The following TOP3B variants were observed in gnomAD, a reference collection of about 807,000 sequenced individuals.
The protein encoded by TOP3B is DNA topoisomerase 3-beta-1.
Under a neutral mutation model 93.9 loss-of-function variants are expected in TOP3B, and 45 were observed. That is an observed-to-expected ratio of 0.48 (90% CI 0.38 to 0.61). The LOEUF is 0.61. TOP3B is among the 20% of genes least tolerant of loss of function. The pLI, the probability that TOP3B is intolerant of heterozygous loss-of-function variation, is 0.00. For synonymous variants in TOP3B, 357 were observed against 472.6 expected, an observed-to-expected ratio of 0.76 and a Z score of 3.17; for missense variants, 750 against 1,156.1, an observed-to-expected ratio of 0.65 and a Z score of 5.09.
At position 21,971,744 on chromosome 22, in the gene TOP3B, G is replaced by A; in HGVS notation, c.384+133C>T. On this transcript the variant is annotated intron_variant, in intron 5 of 17. Transcript: ENST00000357179. This position sits in a 1 kb window ranked among gnomAD's most constrained non-coding sequence, Gnocchi z 4.6. The stretch of plus-strand genomic sequence containing the variant: ...GTGGAGTTTCAGAATAAAGGGAGGG[G>A]AGAGGTGTTTTTAAACCGGTACAGT... 3 of 760,136 alleles carry A rather than the reference G, an allele frequency of 3.9e-6. No individual in the cohort carries two copies. The highest frequency in any genetic ancestry group is 5.3e-5 in the East Asian group (2 of 37,582). The allele number at this position is 760,136 out of a possible 1,614,324, so 47.1% of individuals were successfully genotyped here.
intron 16 of TOP3B, chr22:21,958,894 C>T (rs767594890): frequency 1.5e-5 from 16 of 1,059,116 alleles, no homozygotes; most frequent in Middle Eastern, 3.0e-4. Flanking sequence ...TACATTAATG[C>T]CCATGATGGC....
rs781017379 is a variant in TOP3B, at chr22:21,962,928, G to A, written c.1205-35C>T. ...GCCAGGGCTAGTCAGTTGGGAGCCAGCTGGGGGCTCTGGCCGTGAGGAGCC... is the reference window on the plus strand; with the variant it reads ...GCCAGGGCTAGTCAGTTGGGAGCCAACTGGGGGCTCTGGCCGTGAGGAGCC... On this transcript the variant is annotated intron_variant, in intron 11 of 17. Coordinates refer to ENST00000357179, the MANE Select transcript of TOP3B (RefSeq NM_001282112.2). The A allele has an allele frequency of 4.4e-6, 7 of 1,603,260 alleles. No individual in the cohort carries two copies. In the African/African-American group the frequency reaches 8.0e-5, roughly 18 times the overall value.
In TOP3B at chr22:21,963,058, G is replaced by A. The variant is rs1206694104; in HGVS notation, c.1205-165C>T. 2 of 799,424 alleles carry A rather than the reference G, an allele frequency of 2.5e-6. No individual in the cohort carries two copies. Among genetic ancestry groups the A allele is most frequent in the African/African-American group, 1.7e-5 (1 of 57,718 alleles). The allele number at this position is 799,424 out of a possible 1,614,324, so 49.5% of individuals were successfully genotyped here. Reference sequence around the variant, plus strand: ...GAAAGAAAATGTGCAGGAAGGCCGGGCGTGGTGGCTCATGCCTGTAATCCT... The same window carrying A: ...GAAAGAAAATGTGCAGGAAGGCCGGACGTGGTGGCTCATGCCTGTAATCCT... On this transcript the variant is annotated intron_variant, in intron 11 of 17. Coordinates refer to ENST00000357179, the MANE Select transcript of TOP3B (RefSeq NM_001282112.2). The surrounding 1 kb of genome is among the most constrained non-coding windows in gnomAD (Gnocchi z 4.8).
At chr22:21,965,125 A>C in intron 9 of TOP3B, 160 bp downstream of exon 9, 2 of 466,530 alleles carry the variant, frequency 4.3e-6, no homozygotes, top group Non-Finnish European at 7.4e-6. Context: ...GTGGTGACCA[A>C]CTTTACCACC....
intron 3 of TOP3B, chr22:21,973,651 C>G (rs768070582): frequency 3.3e-5 from 5 of 152,178 alleles, no homozygotes; most frequent in Non-Finnish European, 5.9e-5. Context: ...CCACACAACT[C>G]AGTCACCATC....
intron 15 of TOP3B, 72 bp downstream of exon 15, chr22:21,959,515 G>A (rs1020390727): frequency 1.3e-6 from 2 of 1,530,626 alleles, no homozygotes; most frequent in East Asian, 2.3e-5. Flanking sequence ...TGGGGACCTG[G>A]GTCCCCAGGT....
chr22:21,961,474 G>A (rs1047699531), intron 13 of TOP3B: 3 of 152,366 alleles, frequency 2.0e-5, no homozygotes, highest in African/African-American at 7.2e-5. Context: ...GGGCTGCCAG[G>A]AGCCAGTGTC....
In TOP3B at chr22:21,963,992, G is replaced by T; in HGVS notation, c.1135C>A (p.Arg379=). ...RLLAEGINRP[R]KGHDAGDHPP... ...TGGTCGCCGGCGTCATGGCCTTTCC[G>T]CGGGCGGTTGATACCTTCTGCTAAC... is the stretch of plus-strand genomic sequence containing the variant. Residue 379 remains arginine (R), a synonymous_variant, in exon 11 of 18, where the codon CGG becomes AGG. Coordinates refer to ENST00000357179, the MANE Select transcript of TOP3B (RefSeq NM_001282112.2). The surrounding 1 kb of genome is among the most constrained non-coding windows in gnomAD (Gnocchi z 4.8). 6.2e-7 allele frequency: 1 copy of T among 1,611,722 alleles called. No individual in the cohort carries two copies. The highest frequency in any genetic ancestry group is 1.1e-5 in the South Asian group (1 of 90,798).
intron 9 of TOP3B, 200 bp from the exon 10 acceptor site, chr22:21,964,515 C>T (rs930522282): frequency 4.2e-5 from 26 of 618,870 alleles, no homozygotes; most frequent in East Asian, 1.1e-4. Flanking sequence ...GGCTGAATCC[C>T]GCACCCGTAA....
chr22:21,974,490 T>C lies in TOP3B; in HGVS notation c.71-2A>G, dbSNP rs760967262. The C allele has an allele frequency of 1.9e-6, 3 of 1,602,756 alleles. No homozygotes were observed. The East Asian group carries it at 6.8e-5, about 36-fold the overall frequency. On this transcript the variant is annotated splice_acceptor_variant, in intron 2 of 17. Transcript: ENST00000357179. LOFTEE classifies it high-confidence loss of function. ...GCCCTTTGTGTGAGGACAGGCTCCC[T>C]GGGGATGAGGAAGCACAAAGTGACT...
In TOP3B at chr22:21,964,187, C is replaced by T; in HGVS notation, c.1072G>A (p.Ala358Thr). 7 of 1,614,098 alleles carry T rather than the reference C, an allele frequency of 4.3e-6. No individual in the cohort carries two copies. The highest frequency in any genetic ancestry group is 4.2e-6 in the Non-Finnish European group (5 of 1,180,016). Residue 358 changes from alanine to threonine, a missense_variant, in exon 10 of 18, where the codon GCC becomes ACC. Ala to Thr is a moderately conservative substitution (Grantham distance 58). This residue lies in a region of TOP3B where 737 missense variants were observed against 933.7 expected (regional missense o/e 0.79). Transcript: ENST00000357179. ...FDLKGSLRQQ[A>T]NHPYWADTVK... ...GTGTCGGCCCAGTAGGGGTGGTTGGCCTGCTGCCGCAGAGAGCCCTTCAGG... is the reference window on the plus strand; with the variant it reads ...GTGTCGGCCCAGTAGGGGTGGTTGGTCTGCTGCCGCAGAGAGCCCTTCAGG...
At chr22:21,973,008 T>G in intron 3 of TOP3B, 1 of 426,858 alleles carries the variant, frequency 2.3e-6, no homozygotes, top group Non-Finnish European at 4.3e-6. Flanking sequence ...TGGCCTCACT[T>G]CCGGGACTTT....
intron 13 of TOP3B, chr22:21,962,201 A>G: frequency 2.0e-6 from 3 of 1,474,530 alleles, no homozygotes; most frequent in Non-Finnish European, 2.7e-6. Flanking sequence ...ACGAGGGCAC[A>G]TCTGGGCCTT....
intron 14 of TOP3B, 77 bp from the exon 15 acceptor site, chr22:21,959,813 A>T (rs2071089881): frequency 6.4e-7 from 1 of 1,557,014 alleles, no homozygotes; most frequent in African/African-American, 1.3e-5. Flanking sequence ...AGGCAGGGAT[A>T]CTGCCCTGTT....
intron 6 of TOP3B, chr22:21,969,129 C>T (rs1269700672): frequency 5.5e-6 from 1 of 181,970 alleles, no homozygotes; most frequent in East Asian, 1.4e-4. Flanking sequence ...AAACAATTTT[C>T]TTTAGGTCTC....
Position 21,964,012 on chromosome 22 carries a change from G to C in TOP3B, c.1115C>G (p.Ala372Gly). 1 of 1,608,470 alleles carries C rather than the reference G, an allele frequency of 6.2e-7. No individual in the cohort carries two copies. The highest frequency in any genetic ancestry group is 8.5e-7 in the Non-Finnish European group (1 of 1,177,430). ...YWADTVKRLL[A>G]EGINRPRKGH... Reference sequence around the variant, plus strand: ...TTTCCGCGGGCGGTTGATACCTTCTGCTAACAACCGCTTCACCTGAGGGAG... The same window carrying C: ...TTTCCGCGGGCGGTTGATACCTTCTCCTAACAACCGCTTCACCTGAGGGAG... Residue 372 changes from alanine to glycine, a missense_variant, in exon 11 of 18, where the codon GCA (alanine) becomes GGA (glycine). Transcript: ENST00000357179.
chr22:21,974,313 C>G (rs746707729), intron 3 of TOP3B, 44 bp downstream of exon 3: 3 of 1,592,506 alleles, frequency 1.9e-6, no homozygotes, highest in South Asian at 1.1e-5. Context: ...TGGCCAGTGC[C>G]ATGCAGAACT....
At chr22:21,966,559 T>C (rs1329295099) in intron 8 of TOP3B, 1 of 152,258 alleles carries the variant, frequency 6.6e-6, no homozygotes, top group Non-Finnish European at 1.5e-5. Flanking sequence ...GTAACTATTC[T>C]GGAATTTGTG....
rs754885580 is a variant in TOP3B at position 21,964,247 on chromosome 22, G to A, written c.1012C>T (p.Arg338Trp). The change falls in exon 10 of 18, where the codon CGG becomes TGG. Residue 338 changes from arginine (R) to tryptophan (W), a missense_variant. This residue lies in a region of TOP3B where 737 missense variants were observed against 933.7 expected (regional missense o/e 0.79). Transcript: ENST00000357179. ...TCAGGGTAGTGGGTGGTCTCTGTCC[G>A]TGGGTAGCTGATGTAGCCTTGCGTG... is the stretch of plus-strand genomic sequence containing the variant. ...LYTQGYISYP[R>W]TETTHYPENF... is the part of the protein sequence containing the mutation. 7 of 1,614,054 alleles carry A rather than the reference G, an allele frequency of 4.3e-6. No individual in the cohort carries two copies. The highest frequency in any genetic ancestry group is 4.2e-6 in the Non-Finnish European group (5 of 1,180,028).
Sources: allele counts gnomAD v4.1 joint callset, GRCh38; gene constraint gnomAD v4.1.1; regional missense constraint gnomAD v4.1.1; non-coding constraint Gnocchi (gnomAD v3.1); transcripts MANE v1.5; gene names NCBI Gene and HGNC (gene_info 2026-07-23, HGNC 2026-07-21).